ATP8A2: variants seen among roughly 807,000 people sequenced by gnomAD.
ATP8A2 encodes the protein ATPase phospholipid transporting 8A2.
A neutral mutation model predicts 165.6 loss-of-function variants in ATP8A2; 100 were observed. That is an observed-to-expected ratio of 0.60 (90% CI 0.51 to 0.71). ATP8A2 has a LOEUF of 0.71. Among genes scored for constraint, ATP8A2 ranks in the 30% least tolerant of loss-of-function variants. The probability of loss-of-function intolerance (pLI) is 0.00; values close to 1 mark genes in which losing one functional copy is unlikely to be tolerated. For missense variants in ATP8A2, 1,227 were observed against 1,479.5 expected (o/e 0.83, Z 2.80); for synonymous variants, 543 against 548.8 (o/e 0.99, Z 0.15).
At chr13:25,708,778 CA>C (rs765504773) in intron 25 of ATP8A2, among the ~76,000 whole-genome samples, 36 of 152,272 alleles carry the variant, frequency 2.4e-4, no homozygotes, top group Non-Finnish European at 5.0e-4. Context: ...AAACAAATGA[CA>C]AAGAGGAATG....
intron 24 of ATP8A2, among the ~76,000 whole-genome samples, chr13:25,596,361 T>A (rs2040236039): frequency 6.6e-6 from 1 of 152,238 alleles, no homozygotes; most frequent in South Asian, 2.1e-4. Flanking sequence ...CATGGTGATA[T>A]ATTTTGACAA....
At chr13:25,454,652 G>A (rs182728990) in intron 1 of ATP8A2, among the ~76,000 whole-genome samples, 6 of 152,242 alleles carry the variant, frequency 3.9e-5, no homozygotes, top group Non-Finnish European at 5.9e-5. Context: ...GGCCGGGCGC[G>A]GTGGCTCACG....
intron 35 of ATP8A2, among the ~76,000 whole-genome samples, chr13:26,003,243 TATCTC>T (rs931731067): frequency 2.0e-5 from 3 of 152,004 alleles, no homozygotes; most frequent in Non-Finnish European, 2.9e-5. Context: ...TGTGAGGTAA[TATCTC>T]ATTGTGATTT....
At chr13:25,919,398 A>G (rs1322985241) in intron 33 of ATP8A2, among the ~76,000 whole-genome samples, 2 of 152,104 alleles carry the variant, frequency 1.3e-5, no homozygotes, top group Non-Finnish European at 2.9e-5. Context: ...AGATCTCCAC[A>G]TCTGAGAGAC....
At chr13:25,909,255 A>C (rs983360646) in intron 33 of ATP8A2, among the ~76,000 whole-genome samples, 1 of 152,166 alleles carries the variant, frequency 6.6e-6, no homozygotes, top group African/African-American at 2.4e-5. Flanking sequence ...TATATCTCAA[A>C]ATACCTAGAG....
intron 34 of ATP8A2, among the ~76,000 whole-genome samples, chr13:25,965,877 A>G (rs1477464910): frequency 2.0e-5 from 3 of 152,220 alleles, no homozygotes; most frequent in Non-Finnish European, 1.5e-5. Context: ...ATTTCTATAC[A>G]CAAATGGGCC....
At chr13:25,701,482 C>T (rs1273987543) in intron 25 of ATP8A2, among the ~76,000 whole-genome samples, 1 of 152,054 alleles carries the variant, frequency 6.6e-6, no homozygotes, top group African/African-American at 2.4e-5. Flanking sequence ...TGGGAGTCAG[C>T]CACTTCTGCC....
intron 2 of ATP8A2, among the ~76,000 whole-genome samples, chr13:25,477,065 G>A (rs2036015589): frequency 6.6e-6 from 1 of 152,124 alleles, no homozygotes; most frequent in Non-Finnish European, 1.5e-5. Flanking sequence ...TGTCAGCATT[G>A]GGCCAGTTTT....
intron 2 of ATP8A2, among the ~76,000 whole-genome samples, chr13:25,520,187 T>C (rs187528052): frequency 6.6e-6 from 1 of 152,324 alleles, no homozygotes; most frequent in African/African-American, 2.4e-5. Context: ...CTACCCCTCC[T>C]AGCCTCTGGT....
At chr13:25,432,671 T>C (rs1457830294) in intron 1 of ATP8A2, among the ~76,000 whole-genome samples, 1 of 152,122 alleles carries the variant, frequency 6.6e-6, no homozygotes, top group Non-Finnish European at 1.5e-5. Flanking sequence ...GTCATTTTTT[T>C]TTTTCTGCAG....
chr13:25,403,853 G>A lies in ATP8A2; in HGVS notation c.76+31565G>A, dbSNP rs1017740383. Among the ~76,000 whole-genome samples, 6 of 152,188 alleles carry A rather than the reference G, an allele frequency of 3.9e-5. No individual in the cohort carries two copies. The South Asian group carries it at 6.2e-4, about 16-fold the overall frequency. On this transcript the variant is annotated intron_variant, in intron 1 of 36. Transcript: ENST00000381655. ...GGAGTGTCCATGAAAATCCAATGCA[G>A]ATAGTTGCTATAATCAATACCAAAA...
At chr13:25,917,461 C>G (rs1954301125) in intron 33 of ATP8A2, among the ~76,000 whole-genome samples, 1 of 152,184 alleles carries the variant, frequency 6.6e-6, no homozygotes, top group Non-Finnish European at 1.5e-5. Flanking sequence ...CATAGTAACC[C>G]TGAAGGGGTT....
At position 25,558,976 on chromosome 13, in the gene ATP8A2, A is replaced by T; in HGVS notation, c.1267A>T (p.Lys423Ter). 1 of 1,601,784 alleles carries T rather than the reference A, an allele frequency of 6.2e-7. No individual in the cohort carries two copies. Among genetic ancestry groups the T allele is most frequent in the Non-Finnish European group, 8.5e-7 (1 of 1,172,882 alleles). ...SNLNEELGQV[K>*]YLFSDKTGTL... ...TTTCTTTTATTCTTTGGTTTAGGTG[A>T]AATATCTCTTTTCTGACAAGACTGG... Residue 423 changes from lysine (K) to a stop codon, truncating the protein, a stop_gained, in exon 14 of 37, where the codon AAA (lysine) becomes TAA (stop). Coordinates refer to ENST00000381655, the MANE Select transcript of ATP8A2 (RefSeq NM_016529.6). LOFTEE classifies it high-confidence loss of function.
At chr13:25,762,177 G>A (rs12875018) in intron 25 of ATP8A2, among the ~76,000 whole-genome samples, 1 of 142,762 alleles carries the variant, frequency 7.0e-6, no homozygotes, top group Admixed American at 7.6e-5. Context: ...GCTGAGGCAA[G>A]AGAATTGCTT....
At chr13:25,783,613 A>G (rs1313298834) in intron 27 of ATP8A2, among the ~76,000 whole-genome samples, 1 of 152,154 alleles carries the variant, frequency 6.6e-6, no homozygotes, top group Admixed American at 6.5e-5. Context: ...TGGTAGGGTA[A>G]GGGCCTCAGG....
intron 16 of ATP8A2, among the ~76,000 whole-genome samples, chr13:25,565,768 AT>A (rs36050048): frequency 1.7e-4 from 25 of 150,688 alleles, no homozygotes; most frequent in East Asian, 3.9e-4. Context: ...TTTTTATCAC[AT>A]TTTTTTTTAT....
chr13:25,731,052 C>A (rs540608716), intron 25 of ATP8A2, among the ~76,000 whole-genome samples: 1 of 139,592 alleles, frequency 7.2e-6, no homozygotes, highest in Admixed American at 7.8e-5. Flanking sequence ...CCAGCCAGGT[C>A]GCAAAAAAGA....
chr13:25,888,624 G>A (rs1320385398), intron 33 of ATP8A2, among the ~76,000 whole-genome samples: 1 of 152,186 alleles, frequency 6.6e-6, no homozygotes, highest in Non-Finnish European at 1.5e-5. Flanking sequence ...ATTTTGGGAG[G>A]CCAAGGTGGG....
At chr13:25,940,346 C>T (rs970959458) in intron 33 of ATP8A2, among the ~76,000 whole-genome samples, 5 of 152,182 alleles carry the variant, frequency 3.3e-5, no homozygotes, top group African/African-American at 1.2e-4. Context: ...TCAGAGCTGC[C>T]GCTTTCAACT....
Sources: gnomAD v4.1 joint callset for allele counts (sites outside exome capture counted in the v4.1 genomes callset) on GRCh38, gnomAD v4.1.1 for gene constraint, MANE v1.5 for transcripts, NCBI Gene and HGNC (gene_info 2026-07-23, HGNC 2026-07-21) for gene names.